Variants in NRP1 observed in about 807,000 individuals in gnomAD.
NRP1 encodes the protein neuropilin 1, also known as neuropilin-1.
A neutral mutation model predicts 106.7 loss-of-function variants in NRP1; 35 were observed. The ratio of observed to expected loss-of-function variants is 0.33; its 90% confidence interval spans 0.25 to 0.43. The LOEUF (loss-of-function observed/expected upper bound fraction) is 0.43. Ranked by LOEUF, NRP1 falls within the 20% of genes least tolerant of loss-of-function variation. The probability of loss-of-function intolerance (pLI) is 1.00; values close to 1 mark genes in which losing one functional copy is unlikely to be tolerated. For missense variants in NRP1, 1,024 were observed against 1,170.4 expected (o/e 0.87, Z 1.83); for synonymous variants, 437 against 417.9 (o/e 1.05, Z -0.56).
chr10:33,214,995 A>G (rs796484353), intron 8 of NRP1, among the ~76,000 whole-genome samples: 3 of 152,238 alleles, frequency 2.0e-5, no homozygotes, highest in African/African-American at 7.2e-5. Flanking sequence ...AAATTGTTAA[A>G]GCGGTAAATT....
chr10:33,217,075 T>C (rs145661114), intron 8 of NRP1, among the ~76,000 whole-genome samples: 95 of 152,314 alleles, frequency 6.2e-4, no homozygotes, highest in Non-Finnish European at 1.2e-3. Flanking sequence ...AACTGTAGTG[T>C]TAAAAATAGA....
rs750905931 is a variant in NRP1 at position 33,249,084 on chromosome 10, G to GTTTTTTTTTT, written c.981+4934_981+4943dup. On this transcript the variant is annotated intron_variant, in intron 6 of 16. Transcript: ENST00000374867. ...ATCCCACCCAGGTATTATGTCTCTT[G>GTTTTTTTTTT]TTTTTTTTTTTTTTTTTTTTTTTTG... Among the ~76,000 whole-genome samples the GTTTTTTTTTT allele has an allele frequency of 4.2e-3, 304 of 72,202 alleles. 16 individuals are homozygous for GTTTTTTTTTT. Among genetic ancestry groups the GTTTTTTTTTT allele is most frequent in the East Asian group, 8.0e-3 (17 of 2,124 alleles). 47.4% of individuals were successfully genotyped at this position (72,202 alleles called of 152,430 possible). A position where few individuals can be genotyped will look rare whatever the true frequency, so the allele number is the denominator to read the frequency against.
intron 11 of NRP1, chr10:33,202,611 C>T (rs1252143961): frequency 2.0e-6 from 3 of 1,503,718 alleles, no homozygotes; most frequent in African/African-American, 1.4e-5. Context: ...CGGTTTAGTA[C>T]ATTTAGCCAT....
intron 3 of NRP1, 51 bp downstream of exon 3, chr10:33,270,624 G>A: frequency 1.3e-6 from 2 of 1,492,094 alleles, no homozygotes; most frequent in Non-Finnish European, 1.8e-6. Flanking sequence ...ACCACACTCG[G>A]CCTAAATGAA....
rs182112056 is a variant in NRP1, at chr10:33,296,720, G to A, written c.249-25864C>T. ...CAGCAGAGCCCAGACATCAAGGCTA[G>A]CATTTCAGTCTTAATAATCCAATTT... On this transcript the variant is annotated intron_variant, in intron 2 of 16. Coordinates refer to ENST00000374867, the MANE Select transcript of NRP1 (RefSeq NM_003873.7). Among the ~76,000 whole-genome samples the A allele has an allele frequency of 2.8e-3, 427 of 152,290 alleles. 4 individuals are homozygous for A. Among genetic ancestry groups the A allele is most frequent in the Middle Eastern group, 0.027 (8 of 294 alleles).
chr10:33,283,073 T>A (rs970259892), intron 2 of NRP1, among the ~76,000 whole-genome samples: 1 of 152,180 alleles, frequency 6.6e-6, no homozygotes, highest in Non-Finnish European at 1.5e-5. Context: ...GGCACTAACC[T>A]AAGTAAAAAT....
At chr10:33,294,536 C>T (rs1408174784) in intron 2 of NRP1, among the ~76,000 whole-genome samples, 1 of 149,412 alleles carries the variant, frequency 6.7e-6, no homozygotes, top group Admixed American at 6.8e-5. Flanking sequence ...GAGAATCACT[C>T]GAACCCGGGA....
chr10:33,252,751 C>T (rs1841954931), intron 6 of NRP1, among the ~76,000 whole-genome samples: 1 of 152,026 alleles, frequency 6.6e-6, no homozygotes, highest in Non-Finnish European at 1.5e-5. Context: ...AAACTCATTT[C>T]ATTTCTGTCT....
At chr10:33,291,558 A>C (rs1394781301) in intron 2 of NRP1, among the ~76,000 whole-genome samples, 2 of 152,238 alleles carry the variant, frequency 1.3e-5, no homozygotes, top group Non-Finnish European at 2.9e-5. Flanking sequence ...ACTAAACAGA[A>C]ATGTGTTGTG....
intron 9 of NRP1, chr10:33,211,729 C>T (rs1838317480): frequency 6.6e-6 from 1 of 152,190 alleles, no homozygotes; most frequent in South Asian, 2.1e-4. Context: ...TGCAATGCCT[C>T]TGGCTTGAGT....
chr10:33,281,198 C>T (rs924889693), intron 2 of NRP1, among the ~76,000 whole-genome samples: 1 of 151,946 alleles, frequency 6.6e-6, no homozygotes, highest in African/African-American at 2.4e-5. Flanking sequence ...TACAGGCAAG[C>T]ACCACCACAC....
intron 10 of NRP1, among the ~76,000 whole-genome samples, chr10:33,204,141 C>A (rs921397030): frequency 6.6e-6 from 1 of 152,082 alleles, no homozygotes; most frequent in Non-Finnish European, 1.5e-5. Flanking sequence ...GGATAGTTCT[C>A]GTGATGGCTG....
chr10:33,181,505 G>T (rs761521187), intron 16 of NRP1, among the ~76,000 whole-genome samples: 4 of 152,162 alleles, frequency 2.6e-5, no homozygotes, highest in Non-Finnish European at 5.9e-5. Context: ...TGATGATAAG[G>T]GTGCAGCACC....
intron 2 of NRP1, among the ~76,000 whole-genome samples, chr10:33,287,076 T>G (rs1844621227): frequency 6.6e-6 from 1 of 152,192 alleles, no homozygotes. Flanking sequence ...TATCAATTAC[T>G]TACTAAGGAA....
intron 12 of NRP1, chr10:33,194,689 T>G: frequency 3.9e-6 from 2 of 509,404 alleles, no homozygotes; most frequent in South Asian, 1.5e-5. Flanking sequence ...CTTGTGGCAA[T>G]TTGGTTATTT....
chr10:33,289,444 G>T (rs1454930946), intron 2 of NRP1, among the ~76,000 whole-genome samples: 7 of 152,160 alleles, frequency 4.6e-5, no homozygotes, highest in Non-Finnish European at 1.0e-4. Context: ...CACAGGTGGA[G>T]TGATAACTCT....
intron 10 of NRP1, 145 bp downstream of exon 10, chr10:33,207,427 G>T: frequency 2.5e-6 from 2 of 791,018 alleles, no homozygotes; most frequent in Non-Finnish European, 4.0e-6. Flanking sequence ...TCAGAGCTTT[G>T]AGTCTCACTG....
chr10:33,303,393 T>C (rs1277405429), intron 2 of NRP1, among the ~76,000 whole-genome samples: 4 of 152,208 alleles, frequency 2.6e-5, no homozygotes, highest in Non-Finnish European at 5.9e-5. Flanking sequence ...CCATTTACTA[T>C]CTCATTATTT....
intron 6 of NRP1, among the ~76,000 whole-genome samples, chr10:33,227,203 A>G (rs951726848): frequency 4.6e-5 from 7 of 152,224 alleles, no homozygotes; most frequent in South Asian, 2.1e-4. Context: ...GCACATTCAT[A>G]TATGTCATCT....
Sources: gnomAD v4.1 joint callset for allele counts (sites outside exome capture counted in the v4.1 genomes callset) on GRCh38, gnomAD v4.1.1 for gene constraint, MANE v1.5 for transcripts, NCBI Gene and HGNC (gene_info 2026-07-23, HGNC 2026-07-21) for gene names.